Variants in BBS5 observed in about 807,000 individuals in gnomAD.
The protein encoded by BBS5 is BBSome complex member BBS5.
BBS5 carries 39 observed loss-of-function variants against 50.2 expected under a neutral mutation model. The ratio of observed to expected loss-of-function variants is 0.78; its 90% CI spans 0.60 to 1.01. The LOEUF (loss-of-function observed/expected upper bound fraction) is 1.01. Ranked by LOEUF, BBS5 falls within the 50% of genes least tolerant of loss-of-function variation. BBS5 has a pLI of 0.00. For synonymous variants in BBS5, 134 were observed against 133.1 expected, an observed-to-expected ratio of 1.01 and a Z score of -0.05; for missense variants, 356 against 401.5, an observed-to-expected ratio of 0.89 and a Z score of 0.97.
chr2:169,501,309 T>C (rs1266963827), intron 9 of BBS5, among the ~76,000 whole-genome samples: 1 of 152,224 alleles, frequency 6.6e-6, no homozygotes, highest in Non-Finnish European at 1.5e-5. Context: ...TCCCTGTTTC[T>C]AGTTATTACT....
In BBS5 at chr2:169,504,615, G is replaced by A; in HGVS notation, c.*33G>A. On this transcript the variant is annotated 3_prime_UTR_variant, in exon 12 of 12. Coordinates refer to ENST00000295240, the MANE Select transcript of BBS5 (RefSeq NM_152384.3). ...TGAGTTGAGATGGATTTCTATTAAA[G>A]ATATCTCTAGTTTAAAGATACTAGT... 1 of 1,469,392 alleles carries A rather than the reference G, an allele frequency of 6.8e-7. No homozygotes were observed. The highest frequency in any genetic ancestry group is 9.5e-7 in the Non-Finnish European group (1 of 1,047,924). The allele number at this position is 1,469,392 out of a possible 1,614,324, so 91.0% of individuals were successfully genotyped here.
chr2:169,489,521 G>A (rs1683552832), intron 5 of BBS5, among the ~76,000 whole-genome samples: 1 of 150,858 alleles, frequency 6.6e-6, no homozygotes, highest in Non-Finnish European at 1.5e-5. Context: ...GTCCAAGCTG[G>A]TTTCCAACTC....
chr2:169,479,743 C>T, intron 1 of BBS5, 131 bp downstream of exon 1: 2 of 1,035,936 alleles, frequency 1.9e-6, no homozygotes, highest in South Asian at 1.3e-5. Flanking sequence ...TTGCGCCGGT[C>T]GTCCGCGCCT....
At chr2:169,480,893 G>T (rs973935343) in intron 1 of BBS5, among the ~76,000 whole-genome samples, 1 of 151,924 alleles carries the variant, frequency 6.6e-6, no homozygotes, top group African/African-American at 2.4e-5. Flanking sequence ...GTTGAGGCTG[G>T]TCTCGAACTC....
Position 169,505,050 on chromosome 2 carries a change from C to G in BBS5, c.*468C>G. 1 of 1,471,960 alleles carries G rather than the reference C, an allele frequency of 6.8e-7. No homozygotes were observed. The highest frequency in any genetic ancestry group is 9.4e-7 in the Non-Finnish European group (1 of 1,061,702). The allele number at this position is 1,471,960 out of a possible 1,614,324, so 91.2% of individuals were successfully genotyped here. A position where few individuals can be genotyped will look rare whatever the true frequency, so the allele number is the denominator to read the frequency against. On this transcript the variant is annotated 3_prime_UTR_variant, in exon 12 of 12. Transcript: ENST00000295240. The stretch of plus-strand genomic sequence containing the variant: ...TGCCATCTCTGGCTCACTGCAACCT[C>G]CCTGCCTGATTCTCCTGCCTCAGCC...
chr2:169,502,932 T>C (rs997167587), intron 9 of BBS5, among the ~76,000 whole-genome samples, 163 bp from the exon 10 acceptor site: 2 of 152,208 alleles, frequency 1.3e-5, no homozygotes, highest in Non-Finnish European at 2.9e-5. Context: ...TTAGGTTTAA[T>C]TGATTAGTTT....
At position 169,479,552 on chromosome 2, in the gene BBS5, C is replaced by A. The variant is rs199854347; in HGVS notation, c.-2C>A. 7.4e-6 allele frequency: 12 copies of A among 1,614,174 alleles called. No homozygotes were observed. The African/African-American group carries it at 1.5e-4, about 20-fold the overall frequency. ...GAGATCCTGCCACGGGCCTTGTTCA[C>A]CATGTCGGTGCTGGATGCGCTTTGG... On this transcript the variant is annotated 5_prime_UTR_variant, in exon 1 of 12. Coordinates refer to ENST00000295240, the MANE Select transcript of BBS5 (RefSeq NM_152384.3).
At chr2:169,488,584 T>C (rs976433870) in intron 5 of BBS5, among the ~76,000 whole-genome samples, 1 of 152,258 alleles carries the variant, frequency 6.6e-6, no homozygotes, top group Non-Finnish European at 1.5e-5. Flanking sequence ...GCCTGGTTCC[T>C]AACAGGCCAC....
At chr2:169,491,582 T>C (rs1559123192) in intron 5 of BBS5, among the ~76,000 whole-genome samples, 2 of 152,194 alleles carry the variant, frequency 1.3e-5, no homozygotes, top group Admixed American at 6.5e-5. Flanking sequence ...GTTTCTGTAT[T>C]ATCAATAGAC....
At chr2:169,499,021 G>C (rs1683749618) in intron 8 of BBS5, 1 of 167,748 alleles carries the variant, frequency 6.0e-6, no homozygotes, top group Non-Finnish European at 1.3e-5. Flanking sequence ...TCTTCAAGGA[G>C]ATAGCCTCAG....
Position 169,504,547 on chromosome 2 carries a change from T to C in BBS5, c.991T>C (p.Phe331Leu). The C allele has an allele frequency of 6.2e-7, 1 of 1,613,976 alleles. No homozygotes were observed. The change falls in exon 12 of 12, where the codon TTC becomes CTC. Residue 331 changes from phenylalanine to leucine, a missense_variant. Phe to Leu is a conservative substitution (Grantham distance 22, BLOSUM62 0). Transcript: ENST00000295240. ...GLAIEKLKDG[F>L]TLQGLWEVMS ...TGCAATAGAGAAATTGAAGGATGGA[T>C]TCACCCTACAGGGACTTTGGGAAGT... is the stretch of plus-strand genomic sequence containing the variant.
At position 169,493,010 on chromosome 2, in the gene BBS5, G is replaced by A. The variant is rs1470753967; in HGVS notation, c.522+1G>A. The A allele has an allele frequency of 6.2e-7, 1 of 1,613,268 alleles. No individual in the cohort carries two copies. The highest frequency in any genetic ancestry group is 1.7e-5 in the Admixed American group (1 of 59,982). On this transcript the variant is annotated splice_donor_variant, in intron 6 of 11. Coordinates refer to ENST00000295240, the MANE Select transcript of BBS5 (RefSeq NM_152384.3). LOFTEE classifies it high-confidence loss of function. ...AGTTTGGAATTTATCCAGTGATCAG[G>A]TATTGTGCAAAGAGCTAGTGAACCT...
chr2:169,489,606 T>A (rs1683554366), intron 5 of BBS5, among the ~76,000 whole-genome samples: 1 of 150,426 alleles, frequency 6.6e-6, no homozygotes, highest in Admixed American at 6.6e-5. Context: ...TCACCCAGGC[T>A]GTTTTGTTTT....
In BBS5 at chr2:169,505,629, G is replaced by A. The variant is rs980979502; in HGVS notation, c.*1047G>A. On this transcript the variant is annotated 3_prime_UTR_variant, in exon 12 of 12. Transcript: ENST00000295240. ...GCCGCGACCCCATTTGGGAGGTGAG[G>A]AGCAACTCTGCCCAGCCGCCCCGTC... 2.0e-5 allele frequency: 5 copies of A among 251,126 alleles called. No individual in the cohort carries two copies. Among genetic ancestry groups the A allele is most frequent in the African/African-American group, 1.2e-4 (5 of 42,358 alleles). The allele number at this position is 251,126 out of a possible 1,614,324, so 15.6% of individuals were successfully genotyped here. A position where few individuals can be genotyped will look rare whatever the true frequency, so the allele number is the denominator to read the frequency against.
intron 2 of BBS5, among the ~76,000 whole-genome samples, chr2:169,484,035 G>A (rs1683447075): frequency 6.6e-6 from 1 of 152,140 alleles, no homozygotes; most frequent in African/African-American, 2.4e-5. Flanking sequence ...CTTTAGAGTA[G>A]GAAGGGCAGA....
chr2:169,503,908 T>C (rs1043094708), intron 10 of BBS5, among the ~76,000 whole-genome samples: 1 of 152,244 alleles, frequency 6.6e-6, no homozygotes, highest in Admixed American at 6.5e-5. Context: ...TTGAAGTACT[T>C]GTTTTGTTTT....
chr2:169,481,353 A>G (rs1574334199), intron 1 of BBS5, among the ~76,000 whole-genome samples: 1 of 152,194 alleles, frequency 6.6e-6, no homozygotes. Flanking sequence ...AAAAGAAGAA[A>G]AGAATTTAGC....
intron 1 of BBS5, 98 bp downstream of exon 1, chr2:169,479,710 C>T: frequency 9.6e-6 from 13 of 1,357,942 alleles, no homozygotes; most frequent in Non-Finnish European, 1.4e-5. Context: ...CCGCAGCTCG[C>T]GGCCCTGGTG....
At chr2:169,502,579 TA>T (rs1683830095) in intron 9 of BBS5, among the ~76,000 whole-genome samples, 2 of 152,238 alleles carry the variant, frequency 1.3e-5, no homozygotes, top group Non-Finnish European at 2.9e-5. Flanking sequence ...GGTAGGATTT[TA>T]TAACCCTTGG....
Sources: allele counts gnomAD v4.1 joint callset (sites outside exome capture counted in the v4.1 genomes callset), GRCh38; gene constraint gnomAD v4.1.1; transcripts MANE v1.5; gene names NCBI Gene and HGNC (gene_info 2026-07-23, HGNC 2026-07-21).